Variants in HDHD5 observed in about 807,000 individuals in gnomAD.
The protein encoded by HDHD5 is haloacid dehalogenase-like hydrolase domain-containing 5.
HDHD5 carries 34 observed loss-of-function variants against 35.5 expected under a neutral mutation model. The ratio of observed to expected loss-of-function variants is 0.96; its 90% CI spans 0.73 to 1.28. HDHD5 has a LOEUF of 1.28. Among genes scored for constraint, HDHD5 ranks in the 50% most tolerant of loss-of-function variants. HDHD5 has a pLI of 0.00. For synonymous variants in HDHD5, 248 were observed against 240.6 expected, an observed-to-expected ratio of 1.03 and a Z score of -0.29; for missense variants, 589 against 560.2, an observed-to-expected ratio of 1.05 and a Z score of -0.52.
chr22:17,142,858 T>A, intron 5 of HDHD5: 1 of 484,952 alleles, frequency 2.1e-6, no homozygotes, highest in Non-Finnish European at 3.6e-6. Context: ...TAGGTGTCTT[T>A]CCACCACTAA....
Position 17,137,853 on chromosome 22 carries a change from A to C in HDHD5, c.*168T>G. The C allele has an allele frequency of 1.5e-5, 9 of 603,614 alleles. No homozygotes were observed. Among genetic ancestry groups the C allele is most frequent in the Non-Finnish European group, 1.7e-5 (6 of 344,302 alleles). 37.4% of individuals were successfully genotyped at this position (603,614 alleles called of 1,614,324 possible). A position where few individuals can be genotyped will look rare whatever the true frequency, so the allele number is the denominator to read the frequency against. ...ACAAAATGCTACCCAGCAGGGAAAA[A>C]GAGTCACTGTCTTCTTCCAAGTGAC... is the stretch of plus-strand genomic sequence containing the variant. On this transcript the variant is annotated 3_prime_UTR_variant, in exon 8 of 8. Coordinates refer to ENST00000336737, the MANE Select transcript of HDHD5 (RefSeq NM_033070.3).
intron 6 of HDHD5, among the ~76,000 whole-genome samples, chr22:17,138,958 A>C (rs1293109694): frequency 6.6e-6 from 1 of 152,212 alleles, no homozygotes; most frequent in Non-Finnish European, 1.5e-5. Context: ...CGAGGAAACC[A>C]AGGCACAGCA....
chr22:17,148,294 C>T (rs2061687669), intron 3 of HDHD5, among the ~76,000 whole-genome samples, 154 bp downstream of exon 3: 1 of 152,108 alleles, frequency 6.6e-6, no homozygotes, highest in Middle Eastern at 3.2e-3. Context: ...GAGGACTGAC[C>T]ACAGTCGGGA....
upstream of HDHD5, chr22:17,159,328 C>T: frequency 8.3e-7 from 1 of 1,211,436 alleles, no homozygotes; most frequent in Non-Finnish European, 1.0e-6. Flanking sequence ...AGCCAATCAG[C>T]GGTCGGCGCG....
chr22:17,145,221 C>A, intron 3 of HDHD5, 104 bp from the exon 4 acceptor site: 1 of 1,539,890 alleles, frequency 6.5e-7, no homozygotes, highest in Admixed American at 1.9e-5. Flanking sequence ...CCTGATCAAG[C>A]CAGGCAGGAG....
chr22:17,156,804 G>A (rs1272300110), intron 1 of HDHD5, among the ~76,000 whole-genome samples: 1 of 148,696 alleles, frequency 6.7e-6, no homozygotes, highest in Non-Finnish European at 1.5e-5. Flanking sequence ...AGCTGGCTGG[G>A]CACGGTGGCT....
intron 6 of HDHD5, among the ~76,000 whole-genome samples, chr22:17,140,543 C>T (rs921021407): frequency 6.6e-6 from 1 of 152,106 alleles, no homozygotes; most frequent in African/African-American, 2.4e-5. Flanking sequence ...TATGACTGCA[C>T]CACTGCACTC....
rs138315199 is a variant in HDHD5 at position 17,138,695 on chromosome 22, G to C, written c.790C>G (p.Gln264Glu). The C allele has an allele frequency of 6.8e-6, 11 of 1,614,074 alleles. No homozygotes were observed. In the African/African-American group the frequency reaches 1.3e-4, roughly 20 times the overall value. ...CTCAGCTCCTTGCCCGTCACTTTCTGGTAAATGGTTTCCAGGCACAGCAGA... is the reference window on the plus strand; with the variant it reads ...CTCAGCTCCTTGCCCGTCACTTTCTCGTAAATGGTTTCCAGGCACAGCAGA... Reference protein sequence around the residue: ...TFLLCLETIYQKVTGKELRYE... With the variant: ...TFLLCLETIYEKVTGKELRYE... Residue 264 changes from glutamine to glutamate, a missense_variant, in exon 7 of 8, where the codon CAG becomes GAG. Physicochemically the swap from Gln to Glu is conservative, Grantham distance 29. Coordinates refer to ENST00000336737, the MANE Select transcript of HDHD5 (RefSeq NM_033070.3).
chr22:17,150,872 C>T (rs2061718349), intron 1 of HDHD5, among the ~76,000 whole-genome samples: 1 of 152,186 alleles, frequency 6.6e-6, no homozygotes, highest in South Asian at 2.1e-4. Context: ...TCATTTCTGG[C>T]TACATACTAT....
intron 5 of HDHD5, chr22:17,141,503 A>G (rs775936213): frequency 7.8e-6 from 10 of 1,285,012 alleles, no homozygotes; most frequent in Middle Eastern, 2.0e-4. Context: ...AAACAAAAGC[A>G]GCATGTCTCA....
At chr22:17,146,445 A>C (rs879347404) in intron 3 of HDHD5, among the ~76,000 whole-genome samples, 23 of 107,558 alleles carry the variant, frequency 2.1e-4, no homozygotes, top group Admixed American at 4.0e-4. Flanking sequence ...GTGAGCTTAC[A>C]GGCCTTCGAT....
At chr22:17,159,529 T>A (rs998933571), upstream of HDHD5, 2 of 458,252 alleles carry the variant, frequency 4.4e-6, no homozygotes, top group East Asian at 7.3e-5. Flanking sequence ...GTCCGTACTA[T>A]CGCCCTGTGC....
chr22:17,147,758 C>T (rs34947623), intron 3 of HDHD5, among the ~76,000 whole-genome samples: 26,941 of 143,172 alleles, frequency 0.19, 2,422 homozygotes, highest in Middle Eastern at 0.32. Context: ...TTCGATCACA[C>T]GCCATCACAC....
Position 17,138,179 on chromosome 22 carries a change from GTGGGTTCC to G in HDHD5, c.1106_1113del (p.Arg369ThrfsTer35). ...CCTCCAAGGACAGGCTCCGTGGACT[GTGGGTTCC>G]TGGGATTGTAGACGCCTGTACACAC... On this transcript the variant is annotated frameshift_variant, in exon 8 of 8. Transcript: ENST00000336737. LOFTEE classifies it low-confidence loss of function (END_TRUNC). 6.2e-7 allele frequency: 1 copy of G among 1,614,206 alleles called. No homozygotes were observed. The highest frequency in any genetic ancestry group is 1.3e-5 in the African/African-American group (1 of 75,052).
chr22:17,162,937 C>G (rs1332634001), upstream of HDHD5, among the ~76,000 whole-genome samples: 1 of 152,188 alleles, frequency 6.6e-6, no homozygotes, highest in Non-Finnish European at 1.5e-5. Flanking sequence ...GAACCCCTGC[C>G]CTGCTGTTGC....
chr22:17,149,648 A>G lies in HDHD5; in HGVS notation c.224T>C (p.Val75Ala). Reference sequence around the variant, plus strand: ...CACCCGCAGCTGCCCCTGGGAGTTCACCAGCCTTCGGAAGGCTTTCAGAGC... The same window carrying G: ...CACCCGCAGCTGCCCCTGGGAGTTCGCCAGCCTTCGGAAGGCTTTCAGAGC... Reference protein sequence around the residue: ...PAALKAFRRLVNSQGQLRVPV... With the variant: ...PAALKAFRRLANSQGQLRVPV... Residue 75 changes from valine (V) to alanine (A), a missense_variant, in exon 2 of 8, where the codon GTG becomes GCG. Physicochemically the swap from Val to Ala is moderately conservative, Grantham distance 64. Coordinates refer to ENST00000336737, the MANE Select transcript of HDHD5 (RefSeq NM_033070.3). 6.2e-7 allele frequency: 1 copy of G among 1,613,826 alleles called. No homozygotes were observed. The highest frequency in any genetic ancestry group is 1.1e-5 in the South Asian group (1 of 91,070).
At chr22:17,154,829 CT>C (rs1441923389) in intron 1 of HDHD5, among the ~76,000 whole-genome samples, 4 of 151,066 alleles carry the variant, frequency 2.6e-5, no homozygotes, top group Admixed American at 1.3e-4. Context: ...CAGGGTCTCC[CT>C]ATGTTGCCCA....
chr22:17,152,086 A>G (rs868613725), intron 1 of HDHD5, among the ~76,000 whole-genome samples: 1 of 152,200 alleles, frequency 6.6e-6, no homozygotes, highest in South Asian at 2.1e-4. Flanking sequence ...GCCCCAGGAC[A>G]GTCTACAGGG....
At chr22:17,154,693 G>A (rs1449982305) in intron 1 of HDHD5, among the ~76,000 whole-genome samples, 1 of 149,922 alleles carries the variant, frequency 6.7e-6, no homozygotes, top group Non-Finnish European at 1.5e-5. Flanking sequence ...TGTCATCTCA[G>A]CTCACTGCAA....
Sources: allele counts gnomAD v4.1 joint callset (sites outside exome capture counted in the v4.1 genomes callset), GRCh38; gene constraint gnomAD v4.1.1; transcripts MANE v1.5; gene names NCBI Gene and HGNC (gene_info 2026-07-23, HGNC 2026-07-21).